The following COL11A1 variants were observed in gnomAD, a reference collection of about 807,000 sequenced individuals.
The protein encoded by COL11A1 is collagen alpha-1(XI) chain.
A neutral mutation model predicts 265.2 loss-of-function variants in COL11A1; 74 were observed. The observed-to-expected ratio is 0.28, with a 90% CI of 0.23 to 0.34. COL11A1 has a LOEUF of 0.34. Ranked by LOEUF, COL11A1 falls within the 10% of genes least tolerant of loss-of-function variation. The pLI is 1.00. For synonymous variants in COL11A1, 816 were observed against 727.6 expected, an observed-to-expected ratio of 1.12 and a Z score of -1.96; for missense variants, 2,165 against 2,263.6, an observed-to-expected ratio of 0.96 and a Z score of 0.88.
chr1:102,904,484 G>A (rs1385717296), intron 54 of COL11A1, among the ~76,000 whole-genome samples: 4 of 152,034 alleles, frequency 2.6e-5, no homozygotes, highest in Non-Finnish European at 5.9e-5. Context: ...ATCTGACAAA[G>A]GGCTAATATC....
intron 24 of COL11A1, 79 bp from the exon 25 acceptor site, chr1:102,998,442 A>G (rs1240269751): frequency 3.1e-6 from 3 of 977,860 alleles, no homozygotes; most frequent in Non-Finnish European, 4.4e-6. Context: ...TATGAATGAA[A>G]TTCTTATCCT....
At chr1:102,932,882 A>G (rs1368602554) in intron 46 of COL11A1, among the ~76,000 whole-genome samples, 3 of 151,706 alleles carry the variant, frequency 2.0e-5, no homozygotes, top group East Asian at 3.9e-4. Context: ...AGTTGATCGC[A>G]TCGGCTCCTG....
At chr1:103,018,577 A>G (rs181117149) in intron 10 of COL11A1, among the ~76,000 whole-genome samples, 1 of 152,200 alleles carries the variant, frequency 6.6e-6, no homozygotes, top group African/African-American at 2.4e-5. Context: ...AGAAAGACGA[A>G]AATGAGTTTA....
At chr1:102,932,677 T>TGCA (rs1451762497) in intron 46 of COL11A1, among the ~76,000 whole-genome samples, 2 of 152,130 alleles carry the variant, frequency 1.3e-5, no homozygotes, top group South Asian at 4.2e-4. Context: ...GATAATATCC[T>TGCA]GCAGAGTGTT....
intron 15 of COL11A1, among the ~76,000 whole-genome samples, chr1:103,007,119 A>T (rs1665698739): frequency 6.6e-6 from 1 of 152,068 alleles, no homozygotes; most frequent in Non-Finnish European, 1.5e-5. Flanking sequence ...TAAAGTCTTT[A>T]ACCTATTTTT....
At chr1:103,003,168 C>T (rs1363717564) in intron 21 of COL11A1, 47 bp downstream of exon 21, 1 of 1,601,402 alleles carries the variant, frequency 6.2e-7, no homozygotes, top group Non-Finnish European at 8.5e-7. Flanking sequence ...AAAAGGTTGG[C>T]AACAAGCTTT....
intron 5 of COL11A1, among the ~76,000 whole-genome samples, chr1:103,029,914 C>T (rs1043750669): frequency 6.6e-6 from 1 of 151,964 alleles, no homozygotes; most frequent in East Asian, 1.9e-4. Flanking sequence ...AAATCAGAGC[C>T]ATATCTGTTG....
intron 46 of COL11A1, among the ~76,000 whole-genome samples, chr1:102,926,408 A>G (rs2101108865): frequency 6.6e-6 from 1 of 152,320 alleles, no homozygotes; most frequent in African/African-American, 2.4e-5. Flanking sequence ...TCATATGCAG[A>G]TGACAGTAAA....
chr1:103,029,113 G>A (rs915076876), intron 5 of COL11A1, among the ~76,000 whole-genome samples: 2 of 151,984 alleles, frequency 1.3e-5, no homozygotes, highest in Non-Finnish European at 2.9e-5. Flanking sequence ...TGAATCTTAA[G>A]AATAGATTAG....
At chr1:103,004,736 A>C in intron 18 of COL11A1, 75 bp from the exon 19 acceptor site, 1 of 1,236,430 alleles carries the variant, frequency 8.1e-7, no homozygotes, top group South Asian at 1.3e-5. Flanking sequence ...GTAGCTATCC[A>C]AACCAAATAA....
chr1:102,917,181 A>T (rs916788633), intron 49 of COL11A1, among the ~76,000 whole-genome samples: 1 of 151,950 alleles, frequency 6.6e-6, no homozygotes, highest in Non-Finnish European at 1.5e-5. Context: ...GTAGTAACTA[A>T]AAAAGCATAT....
intron 7 of COL11A1, among the ~76,000 whole-genome samples, chr1:103,023,827 G>C (rs1667302074): frequency 6.6e-6 from 1 of 151,890 alleles, no homozygotes; most frequent in South Asian, 2.1e-4. Context: ...TCATATGTAG[G>C]GAAGTAGTAT....
chr1:102,915,813 C>G, intron 49 of COL11A1, 129 bp from the exon 50 acceptor site: 1 of 736,124 alleles, frequency 1.4e-6, no homozygotes, highest in South Asian at 2.0e-5. Context: ...CATTGAAAAA[C>G]TTTAATAACA....
chr1:103,023,082 C>T (rs763576475), intron 7 of COL11A1, 86 bp from the exon 8 acceptor site: 21 of 1,427,884 alleles, frequency 1.5e-5, no homozygotes, highest in African/African-American at 2.8e-5. Flanking sequence ...AATTTGATAG[C>T]GTGTGATGGG....
chr1:103,055,809 T>C (rs1010610098), intron 4 of COL11A1, among the ~76,000 whole-genome samples: 4 of 152,322 alleles, frequency 2.6e-5, no homozygotes, highest in Admixed American at 2.0e-4. Context: ...AGCCAAACGA[T>C]TGGACACCTC....
chr1:103,018,750 GTAAT>G, intron 10 of COL11A1, 64 bp downstream of exon 10: 1 of 1,193,908 alleles, frequency 8.4e-7, no homozygotes, highest in African/African-American at 1.5e-5. Flanking sequence ...TTCTCATTCA[GTAAT>G]TAATAGAAAT....
At chr1:103,054,158 T>C (rs1264743024) in intron 4 of COL11A1, among the ~76,000 whole-genome samples, 3 of 152,218 alleles carry the variant, frequency 2.0e-5, no homozygotes, top group Non-Finnish European at 4.4e-5. Context: ...TCTGTTAAAA[T>C]TGTACATTAA....
intron 46 of COL11A1, among the ~76,000 whole-genome samples, chr1:102,932,189 G>T (rs1157444133): frequency 1.3e-5 from 2 of 151,998 alleles, no homozygotes; most frequent in African/African-American, 2.4e-5. Flanking sequence ...TCCTAGTCTC[G>T]ATGGTCTTTA....
intron 4 of COL11A1, among the ~76,000 whole-genome samples, chr1:103,047,399 C>T (rs956656190): frequency 1.3e-5 from 2 of 152,094 alleles, no homozygotes; most frequent in African/African-American, 4.8e-5. Flanking sequence ...CATGATTTGG[C>T]TCTCTGTCTG....
Sources: allele counts gnomAD v4.1 joint callset (sites outside exome capture counted in the v4.1 genomes callset), GRCh38; gene constraint gnomAD v4.1.1; transcripts MANE v1.5; gene names NCBI Gene and HGNC (gene_info 2026-07-23, HGNC 2026-07-21).